ITPR2: variants seen among roughly 807,000 people sequenced by gnomAD.
The protein encoded by ITPR2 is inositol 1,4,5-trisphosphate-gated calcium channel ITPR2.
A neutral mutation model predicts 317.1 loss-of-function variants in ITPR2; 207 were observed. The observed-to-expected ratio is 0.65, with a 90% CI of 0.58 to 0.73. The LOEUF (loss-of-function observed/expected upper bound fraction) is 0.73. ITPR2 is among the 30% of genes least tolerant of loss of function. The probability of loss-of-function intolerance (pLI) is 0.00; values close to 1 mark genes in which losing one functional copy is unlikely to be tolerated. For synonymous variants in ITPR2, 1,156 were observed against 1,149.1 expected (o/e 1.01, Z -0.12); for missense variants, 2,613 against 3,284.0 (o/e 0.80, Z 4.99).
At chr12:26,707,576 C>T (rs768007864) in intron 9 of ITPR2, among the ~76,000 whole-genome samples, 20 of 152,162 alleles carry the variant, frequency 1.3e-4, no homozygotes, top group South Asian at 6.2e-4. Flanking sequence ...CTTTTGCCCA[C>T]GCTGAAGTGC....
chr12:26,414,483 C>T (rs1164424226), intron 51 of ITPR2, among the ~76,000 whole-genome samples: 1 of 151,852 alleles, frequency 6.6e-6, no homozygotes, highest in Non-Finnish European at 1.5e-5. Context: ...AACCCATAGT[C>T]GGCAGAATCA....
chr12:26,448,754 G>A (rs761715771), intron 45 of ITPR2, among the ~76,000 whole-genome samples: 2 of 152,060 alleles, frequency 1.3e-5, no homozygotes, highest in African/African-American at 2.4e-5. Context: ...GGAAAATCAT[G>A]CATATCATTA....
chr12:26,394,086 G>C (rs894105984), intron 54 of ITPR2, among the ~76,000 whole-genome samples: 4 of 152,104 alleles, frequency 2.6e-5, no homozygotes, highest in Non-Finnish European at 1.5e-5. Context: ...CCTCAGTTAA[G>C]CCTCGTGCTA....
intron 48 of ITPR2, among the ~76,000 whole-genome samples, chr12:26,432,451 T>G (rs1262550762): frequency 6.6e-6 from 1 of 152,214 alleles, no homozygotes; most frequent in African/African-American, 2.4e-5. Context: ...CAGGTGCCAT[T>G]AATACTGATC....
At chr12:26,377,879 C>T (rs926543260) in intron 55 of ITPR2, among the ~76,000 whole-genome samples, 1 of 152,106 alleles carries the variant, frequency 6.6e-6, no homozygotes, top group Non-Finnish European at 1.5e-5. Context: ...AAGATACACA[C>T]TTTGCCTGGA....
At chr12:26,384,851 A>G (rs1040270229) in intron 55 of ITPR2, among the ~76,000 whole-genome samples, 5 of 151,460 alleles carry the variant, frequency 3.3e-5, no homozygotes, top group African/African-American at 1.2e-4. Context: ...TTGCTTCTTT[A>G]CTTGTCTTTC....
At chr12:26,648,099 A>C (rs926919387) in intron 21 of ITPR2, among the ~76,000 whole-genome samples, 16 of 152,138 alleles carry the variant, frequency 1.1e-4, no homozygotes, top group African/African-American at 3.9e-4. Context: ...GAAGAAAAAA[A>C]CTTCTGTAAT....
At chr12:26,792,608 C>T (rs1458971876) in intron 1 of ITPR2, among the ~76,000 whole-genome samples, 1 of 151,924 alleles carries the variant, frequency 6.6e-6, no homozygotes, top group Non-Finnish European at 1.5e-5. Context: ...AAATTTTAAG[C>T]TCCATGAAGT....
chr12:26,722,763 T>C (rs1256609658), intron 4 of ITPR2, among the ~76,000 whole-genome samples: 2 of 152,048 alleles, frequency 1.3e-5, no homozygotes, highest in Non-Finnish European at 1.5e-5. Context: ...TTCTGCTTCA[T>C]AATGAAGTCG....
At chr12:26,694,946 A>T (rs1948311124) in intron 10 of ITPR2, among the ~76,000 whole-genome samples, 1 of 152,154 alleles carries the variant, frequency 6.6e-6, no homozygotes, top group African/African-American at 2.4e-5. Context: ...AGGTACATAA[A>T]TTCTGATTGG....
chr12:26,580,438 C>A (rs747729268), intron 32 of ITPR2, among the ~76,000 whole-genome samples: 3 of 152,162 alleles, frequency 2.0e-5, no homozygotes, highest in Non-Finnish European at 2.9e-5. Flanking sequence ...CTCTTGCACA[C>A]CAACCTCTCC....
intron 37 of ITPR2, among the ~76,000 whole-genome samples, chr12:26,517,449 G>A (rs1474573949): frequency 6.6e-6 from 1 of 152,152 alleles, no homozygotes. Flanking sequence ...ATGAAAAAAT[G>A]CTCAATATTA....
chr12:26,795,542 A>G (rs548553610), intron 1 of ITPR2, among the ~76,000 whole-genome samples: 4 of 152,352 alleles, frequency 2.6e-5, no homozygotes, highest in Non-Finnish European at 5.9e-5. Context: ...TAAGGACAAT[A>G]TAGACAATAT....
intron 2 of ITPR2, among the ~76,000 whole-genome samples, chr12:26,777,032 C>T (rs1203593671): frequency 1.3e-5 from 2 of 152,186 alleles, no homozygotes; most frequent in African/African-American, 4.8e-5. Flanking sequence ...GGAAGGAACA[C>T]AGAGTTGGAT....
intron 45 of ITPR2, among the ~76,000 whole-genome samples, chr12:26,450,828 A>G (rs1296944454): frequency 6.6e-6 from 1 of 152,138 alleles, no homozygotes; most frequent in African/African-American, 2.4e-5. Context: ...AGGGGTTGAG[A>G]ACCTTAGAGT....
intron 29 of ITPR2, among the ~76,000 whole-genome samples, chr12:26,599,745 T>C (rs1945947412): frequency 6.6e-6 from 1 of 152,168 alleles, no homozygotes; most frequent in Non-Finnish European, 1.5e-5. Flanking sequence ...ATCTTTTCCC[T>C]AACATTTAAC....
intron 1 of ITPR2, among the ~76,000 whole-genome samples, chr12:26,802,290 C>A (rs796774443): frequency 2.4e-4 from 37 of 151,922 alleles, no homozygotes; most frequent in African/African-American, 6.5e-4. Flanking sequence ...CAGAACAAGA[C>A]CCTGTCTCTA....
At chr12:26,743,353 T>C (rs183661333) in intron 2 of ITPR2, among the ~76,000 whole-genome samples, 1 of 152,254 alleles carries the variant, frequency 6.6e-6, no homozygotes, top group African/African-American at 2.4e-5. Flanking sequence ...TTTATTTATA[T>C]ATGTTTATAT....
chr12:26,515,261 T>G lies in ITPR2; in HGVS notation c.5074-20001A>C, dbSNP rs796795196. On this transcript the variant is annotated intron_variant, in intron 37 of 56. Coordinates refer to ENST00000381340, the MANE Select transcript of ITPR2 (RefSeq NM_002223.4). ...TTAGCACCAAATTCTAATACTAAAG[T>G]TTTTCTTTAAAATAAATGAAAGGCA... Among the ~76,000 whole-genome samples the G allele has an allele frequency of 1.1e-4, 17 of 152,292 alleles. 1 individual carries two copies. The highest frequency in any genetic ancestry group is 4.1e-4 in the African/African-American group (17 of 41,562).
Sources: gnomAD v4.1 joint callset for allele counts (sites outside exome capture counted in the v4.1 genomes callset) on GRCh38, gnomAD v4.1.1 for gene constraint, MANE v1.5 for transcripts, NCBI Gene and HGNC (gene_info 2026-07-23, HGNC 2026-07-21) for gene names.